Variants in SLCO1B1 observed in about 807,000 individuals in gnomAD.
SLCO1B1 encodes the protein solute carrier organic anion transporter family member 1B1, also known as OATP-2.
Under a neutral mutation model 70.1 loss-of-function variants are expected in SLCO1B1, and 81 were observed. The ratio of observed to expected loss-of-function variants is 1.16; its 90% CI spans 0.97 to 1.39. The LOEUF (loss-of-function observed/expected upper bound fraction) is 1.39. Ranked by LOEUF, SLCO1B1 falls within the 40% of genes most tolerant of loss-of-function variation. The pLI is 0.00. For missense variants in SLCO1B1, 895 were observed against 799.6 expected, an observed-to-expected ratio of 1.12 and a Z score of -1.44; for synonymous variants, 283 against 271.5, an observed-to-expected ratio of 1.04 and a Z score of -0.42.
intron 12 of SLCO1B1, among the ~76,000 whole-genome samples, chr12:21,221,630 A>T (rs1443672154): frequency 6.6e-6 from 1 of 152,170 alleles, no homozygotes; most frequent in African/African-American, 2.4e-5. Context: ...AAAGACAAAC[A>T]GTCAACAAAC....
intron 7 of SLCO1B1, among the ~76,000 whole-genome samples, chr12:21,188,072 A>G (rs34888642): frequency 0.12 from 18,560 of 152,236 alleles, 1,512 homozygotes; most frequent in Non-Finnish European, 0.18. Flanking sequence ...TGGGCACTGA[A>G]ACTAAAGCAT....
chr12:21,197,165 A>C lies in SLCO1B1; in HGVS notation c.947A>C (p.Lys316Thr), dbSNP rs1303316390. ...DQTANLTNQG[K>T]NITKNVTGFF... The stretch of plus-strand genomic sequence containing the variant: ...ACAGCTAATTTGACCAATCAAGGAA[A>C]AAATATTACCAAAAATGTGACTGGT... The change falls in exon 8 of 15, where the codon AAA (lysine) becomes ACA (threonine). Residue 316 changes from lysine (K) to threonine (T), a missense_variant. By Grantham distance (78) the Lys-to-Thr change is moderately conservative. Transcript: ENST00000256958. 1 of 1,613,434 alleles carries C rather than the reference A, an allele frequency of 6.2e-7. No individual in the cohort carries two copies. Among genetic ancestry groups the C allele is most frequent in the South Asian group, 1.1e-5 (1 of 91,068 alleles).
chr12:21,211,110 G>A lies in SLCO1B1; in HGVS notation c.1497+5077G>A, dbSNP rs575381097. ...TTCCAACACTCTGTTGAATAGGAGT[G>A]GTGAGAGAGGGCATCCCTGTTTTGT... On this transcript the variant is annotated intron_variant, in intron 11 of 14. Transcript: ENST00000256958. Among the ~76,000 whole-genome samples the A allele has an allele frequency of 4.6e-4, 70 of 152,292 alleles. 1 individual carries two copies. Among genetic ancestry groups the A allele is most frequent in the African/African-American group, 1.6e-3 (68 of 41,560 alleles).
chr12:21,180,857 G>C (rs536698243), intron 7 of SLCO1B1, among the ~76,000 whole-genome samples: 1 of 152,174 alleles, frequency 6.6e-6, no homozygotes, highest in South Asian at 2.1e-4. Context: ...CTCTAAATAA[G>C]AAATTATTAC....
intron 1 of SLCO1B1, among the ~76,000 whole-genome samples, chr12:21,132,377 T>C (rs1940150020): frequency 2.0e-5 from 3 of 152,164 alleles, no homozygotes; most frequent in Admixed American, 2.0e-4. Context: ...GGTCAAATGG[T>C]ATTTCCAGTT....
chr12:21,202,064 A>G (rs1051368321), intron 9 of SLCO1B1, among the ~76,000 whole-genome samples: 1 of 152,178 alleles, frequency 6.6e-6, no homozygotes, highest in African/African-American at 2.4e-5. Context: ...TTGCAGGGAC[A>G]TGGATGAAGC....
intron 7 of SLCO1B1, among the ~76,000 whole-genome samples, chr12:21,191,618 C>G (rs1941030800): frequency 6.6e-6 from 1 of 151,922 alleles, no homozygotes; most frequent in Non-Finnish European, 1.5e-5. Context: ...GTTTGAATGT[C>G]TTTTATTTCT....
chr12:21,194,733 T>C (rs1941071982), intron 7 of SLCO1B1, among the ~76,000 whole-genome samples: 1 of 152,220 alleles, frequency 6.6e-6, no homozygotes, highest in African/African-American at 2.4e-5. Context: ...AACAATTTTC[T>C]GTGTTAGGCC....
chr12:21,196,934 T>C lies in SLCO1B1; in HGVS notation c.728-12T>C, dbSNP rs927005981. On this transcript the variant is annotated splice_polypyrimidine_tract_variant and intron_variant, in intron 7 of 14. Transcript: ENST00000256958. ...ATGATTTTTGACTGGCTTCTATAAT[T>C]ATTTATTCTAGGCACTATCAGGATA... 6.2e-7 allele frequency: 1 copy of C among 1,612,718 alleles called. No individual in the cohort carries two copies.
chr12:21,197,231 C>T, intron 8 of SLCO1B1, 43 bp downstream of exon 8: 1 of 1,604,974 alleles, frequency 6.2e-7, no homozygotes, highest in Non-Finnish European at 8.5e-7. Flanking sequence ...TTGTTAATCT[C>T]AATGAAAAGG....
intron 5 of SLCO1B1, among the ~76,000 whole-genome samples, chr12:21,178,251 G>T (rs1940844966): frequency 6.6e-6 from 1 of 152,020 alleles, no homozygotes; most frequent in Non-Finnish European, 1.5e-5. Context: ...CCCTGCAAAA[G>T]CTCTCTTGCC....
Position 21,224,730 on chromosome 12 carries a change from C to G in SLCO1B1, c.1756C>G (p.Leu586Val), listed in dbSNP as rs768916016. 9 of 1,599,442 alleles carry G rather than the reference C, an allele frequency of 5.6e-6. No homozygotes were observed. The highest frequency in any genetic ancestry group is 7.7e-6 in the Non-Finnish European group (9 of 1,167,978). Reference protein sequence around the residue: ...SMVIRALGGILAPIYFGALID... With the variant: ...SMVIRALGGIVAPIYFGALID... The stretch of plus-strand genomic sequence containing the variant: ...CTCTTCTCCTATTACAGGAGGAATT[C>G]TAGCTCCAATATATTTTGGGGCTCT... Residue 586 changes from leucine (L) to valine (V), a missense_variant, in exon 14 of 15, where the codon CTA becomes GTA. Coordinates refer to ENST00000256958, the MANE Select transcript of SLCO1B1 (RefSeq NM_006446.5).
intron 12 of SLCO1B1, among the ~76,000 whole-genome samples, chr12:21,220,736 T>G (rs1403200804): frequency 1.3e-5 from 2 of 151,260 alleles, no homozygotes; most frequent in African/African-American, 4.9e-5. Flanking sequence ...TCACAGGAGT[T>G]GAACCTGGGA....
In SLCO1B1 at chr12:21,185,001, C is replaced by T. The variant is rs374683689; in HGVS notation, c.727+5981C>T. On this transcript the variant is annotated intron_variant, in intron 7 of 14. Coordinates refer to ENST00000256958, the MANE Select transcript of SLCO1B1 (RefSeq NM_006446.5). ...AAACAGACATTAAACCAAAAACCAT[C>T]AAGAAGGACAAAGAAGGGTATTACA... Among the ~76,000 whole-genome samples the T allele has an allele frequency of 1.1e-3, 171 of 152,198 alleles. 3 individuals carry two copies. The South Asian group carries it at 0.035, about 31-fold the overall frequency.
intron 11 of SLCO1B1, among the ~76,000 whole-genome samples, chr12:21,210,160 CT>C (rs1941264391): frequency 7.1e-6 from 1 of 140,846 alleles, no homozygotes. Context: ...ATGGTAATGC[CT>C]AGGTTTTCTT....
intron 7 of SLCO1B1, 40 bp from the exon 8 acceptor site, chr12:21,196,906 A>G (rs1279855981): frequency 4.4e-6 from 7 of 1,598,730 alleles, no homozygotes; most frequent in African/African-American, 2.7e-5. Context: ...ATTGTATTTC[A>G]AAATGATTTT....
rs577988132 is a variant in SLCO1B1 at position 21,186,546 on chromosome 12, C to T, written c.727+7526C>T. On this transcript the variant is annotated intron_variant, in intron 7 of 14. Transcript: ENST00000256958. ...TGATGCTGAAACTGCTCCTAAGAAA[C>T]TGAGAAAAGTCACGACATTACAAGA... Among the ~76,000 whole-genome samples the T allele has an allele frequency of 4.7e-4, 72 of 152,068 alleles. 1 individual carries two copies. The Middle Eastern group carries it at 0.01, about 22-fold the overall frequency.
At chr12:21,133,226 G>A (rs1331299637) in intron 1 of SLCO1B1, among the ~76,000 whole-genome samples, 1 of 151,972 alleles carries the variant, frequency 6.6e-6, no homozygotes, top group Non-Finnish European at 1.5e-5. Flanking sequence ...TGCTGTTTTG[G>A]TTACTGTAGC....
rs929678501 is a variant in SLCO1B1 at position 21,134,702 on chromosome 12, C to G, written c.-62+3466C>G. On this transcript the variant is annotated intron_variant, in intron 1 of 14. Coordinates refer to ENST00000256958, the MANE Select transcript of SLCO1B1 (RefSeq NM_006446.5). ...ATATCCTCTTTATCATTTTTTATTG[C>G]ATCTATTTGATTCTTCTCTGTTTTC... 3.9e-5 allele frequency among the ~76,000 whole-genome samples: 6 copies of G among 152,050 alleles called. No homozygotes were observed. In the East Asian group the frequency reaches 1.2e-3, roughly 29 times the overall value.
Sources: allele counts gnomAD v4.1 joint callset (sites outside exome capture counted in the v4.1 genomes callset), GRCh38; gene constraint gnomAD v4.1.1; transcripts MANE v1.5; gene names NCBI Gene and HGNC (gene_info 2026-07-23, HGNC 2026-07-21).